The following IFT56 variants were observed in gnomAD, a reference collection of about 807,000 sequenced individuals.
IFT56 encodes intraflagellar transport protein 56.
the IFT56 span, among the ~76,000 whole-genome samples, chr7:139,150,501 A>T: frequency 8.5e-4 from 130 of 152,308 alleles, no homozygotes; most frequent in Admixed American, 3.5e-3. Context: ...TGTACTTCTA[A>T]CCTCAAAAGG....
At chr7:139,179,495 A>G in the IFT56 span, 1 of 1,202,454 alleles carries the variant, frequency 8.3e-7, no homozygotes, top group South Asian at 1.2e-5. Context: ...GTGATCATCA[A>G]TCTAAGGCAA....
At chr7:139,156,247 A>G in the IFT56 span, among the ~76,000 whole-genome samples, 3 of 151,780 alleles carry the variant, frequency 2.0e-5, no homozygotes, top group Non-Finnish European at 2.9e-5. Context: ...TTTCTTGGTC[A>G]GTCTAGCTAT....
At chr7:139,181,221 G>A in the IFT56 span, 2 of 1,541,474 alleles carry the variant, frequency 1.3e-6, no homozygotes, top group African/African-American at 2.7e-5. Flanking sequence ...GAGACTAAAG[G>A]GAACATTAAA....
chr7:139,165,268 G>A, the IFT56 span: 3 of 1,474,806 alleles, frequency 2.0e-6, no homozygotes, highest in South Asian at 2.4e-5. Context: ...TACTTACAAT[G>A]AGATATTTTA....
the IFT56 span, among the ~76,000 whole-genome samples, chr7:139,152,533 T>C: frequency 1.3e-5 from 2 of 152,204 alleles, no homozygotes; most frequent in Non-Finnish European, 2.9e-5. Flanking sequence ...AGACAAAGAT[T>C]AGTAAATTAG....
chr7:139,134,613 A>C, the IFT56 span: 14 of 1,551,060 alleles, frequency 9.0e-6, no homozygotes, highest in South Asian at 6.3e-5. Context: ...TAAATCTGAT[A>C]ATCAGAATTG....
chr7:139,135,288 A>C, the IFT56 span, among the ~76,000 whole-genome samples: 3 of 148,524 alleles, frequency 2.0e-5, no homozygotes, highest in Admixed American at 6.6e-5. Flanking sequence ...AAAAAAAAAA[A>C]AAAAAAAAAA....
chr7:139,188,660 A>G, the IFT56 span, among the ~76,000 whole-genome samples: 47 of 152,382 alleles, frequency 3.1e-4, no homozygotes, highest in Middle Eastern at 3.4e-3. Flanking sequence ...AAATAGGTTC[A>G]TAGGCAGTCG....
chr7:139,134,633 G>T, the IFT56 span: 2 of 1,595,396 alleles, frequency 1.3e-6, no homozygotes, highest in African/African-American at 1.4e-5. Context: ...GGACCATACA[G>T]CTGTCTTTGT....
At chr7:139,173,843 A>G in the IFT56 span, 2 of 712,494 alleles carry the variant, frequency 2.8e-6, no homozygotes, top group East Asian at 2.5e-5. Flanking sequence ...TCAGAACTTC[A>G]GGTATTTCTA....
the IFT56 span, among the ~76,000 whole-genome samples, chr7:139,187,723 A>G: frequency 6.6e-6 from 1 of 152,248 alleles, no homozygotes; most frequent in Admixed American, 6.5e-5. Flanking sequence ...TTCATTTTGT[A>G]GAATCAGATA....
chr7:139,178,070 A>G, the IFT56 span: 1 of 637,490 alleles, frequency 1.6e-6, no homozygotes, highest in Non-Finnish European at 2.7e-6. Flanking sequence ...GGTTTTGTCC[A>G]CTGAAGAAAA....
chr7:139,138,255 A>G, the IFT56 span, among the ~76,000 whole-genome samples: 1 of 152,216 alleles, frequency 6.6e-6, no homozygotes, highest in Admixed American at 6.5e-5. Context: ...AGTACAGTAT[A>G]ATAAGATATT....
the IFT56 span, among the ~76,000 whole-genome samples, chr7:139,144,756 T>G: frequency 6.6e-6 from 1 of 152,118 alleles, no homozygotes; most frequent in African/African-American, 2.4e-5. Context: ...TTAATTTCAG[T>G]TATTGTATTT....
the IFT56 span, among the ~76,000 whole-genome samples, chr7:139,175,016 C>T: frequency 6.8e-6 from 1 of 146,234 alleles, no homozygotes; most frequent in East Asian, 2.0e-4. Context: ...ATTGGAACCC[C>T]GTCTCAAAAA....
chr7:139,159,380 A>C, the IFT56 span, among the ~76,000 whole-genome samples: 1 of 152,140 alleles, frequency 6.6e-6, no homozygotes, highest in Non-Finnish European at 1.5e-5. Flanking sequence ...TAGTCTTTTC[A>C]AAAACCAACT....
At chr7:139,172,558 G>T in the IFT56 span, 1 of 543,234 alleles carries the variant, frequency 1.8e-6, no homozygotes. Context: ...GCACCTCACA[G>T]GCAGCGACAC....
chr7:139,155,596 A>G, the IFT56 span, among the ~76,000 whole-genome samples: 1 of 152,096 alleles, frequency 6.6e-6, no homozygotes, highest in Non-Finnish European at 1.5e-5. Flanking sequence ...TGATTTTTGA[A>G]TGTTAAACCA....
chr7:139,156,483 T>C, the IFT56 span, among the ~76,000 whole-genome samples: 1 of 152,080 alleles, frequency 6.6e-6, no homozygotes, highest in Admixed American at 6.5e-5. Flanking sequence ...CTCTAAGAAA[T>C]GTTTTAACTG....
Sources: gnomAD v4.1 joint callset for allele counts (sites outside exome capture counted in the v4.1 genomes callset) on GRCh38, gnomAD v4.1.1 for gene constraint, MANE v1.5 for transcripts, NCBI Gene and HGNC (gene_info 2026-07-23, HGNC 2026-07-21) for gene names.